The following NLN variants were observed in gnomAD, a reference collection of about 807,000 sequenced individuals.
The protein encoded by NLN is neurolysin, mitochondrial.
A neutral mutation model predicts 79.9 loss-of-function variants in NLN; 64 were observed. The ratio of observed to expected loss-of-function variants is 0.80; its 90% CI spans 0.65 to 0.99. NLN has a LOEUF of 0.99. Ranked by LOEUF, NLN falls within the 50% of genes least tolerant of loss-of-function variation. The pLI is 0.00. For synonymous variants in NLN, 267 were observed against 296.6 expected, an observed-to-expected ratio of 0.90 and a Z score of 1.02; for missense variants, 835 against 858.7, an observed-to-expected ratio of 0.97 and a Z score of 0.34.
Position 65,763,022 on chromosome 5 carries a change from A to G in NLN, c.364A>G (p.Ser122Gly). 2 of 1,614,018 alleles carry G rather than the reference A, an allele frequency of 1.2e-6. No individual in the cohort carries two copies. Among genetic ancestry groups the G allele is most frequent in the Non-Finnish European group, 8.5e-7 (1 of 1,179,914 alleles). The change falls in exon 3 of 13, where the codon AGT becomes GGT. Residue 122 changes from serine (S) to glycine (G), a missense_variant. By Grantham distance (56) the Ser-to-Gly change is moderately conservative. Transcript: ENST00000380985. The stretch of plus-strand genomic sequence containing the variant: ...CTCTGACAAAGAAGTACGAGCAGCA[A>G]GTACAGAAGCAGACAAAAGACTTTC... ...VSSDKEVRAA[S>G]TEADKRLSRF...
intron 12 of NLN, among the ~76,000 whole-genome samples, chr5:65,817,014 C>T (rs946236139): frequency 6.6e-6 from 1 of 152,124 alleles, no homozygotes; most frequent in African/African-American, 2.4e-5. Context: ...TCTGTAACCT[C>T]CTGCCATCCT....
At chr5:65,731,769 C>T (rs2441129) in intron 1 of NLN, among the ~76,000 whole-genome samples, 744 of 8,790 alleles carry the variant, frequency 0.085, 28 homozygotes, top group Middle Eastern at 0.31. Context: ...TTTTTTTTTT[C>T]AGACAGAGTC....
In NLN at chr5:65,788,441, A is replaced by G. The variant is rs1169204173; in HGVS notation, c.1282A>G (p.Thr428Ala). The G allele has an allele frequency of 6.2e-7, 1 of 1,613,710 alleles. No individual in the cohort carries two copies. Among genetic ancestry groups the G allele is most frequent in the Non-Finnish European group, 8.5e-7 (1 of 1,179,568 alleles). ...ACTTTATACTGTGAAGGATAAAGCT[A>G]CAGGAGAAGTATTGGGACAGTTCTA... is the stretch of plus-strand genomic sequence containing the variant. ...VTLYTVKDKATGEVLGQFYLD... is the reference protein window; with the variant it reads ...VTLYTVKDKAAGEVLGQFYLD... Residue 428 changes from threonine to alanine, a missense_variant, in exon 8 of 13, where the codon ACA becomes GCA. Physicochemically the swap from Thr to Ala is moderately conservative, Grantham distance 58. Transcript: ENST00000380985.
intron 12 of NLN, among the ~76,000 whole-genome samples, chr5:65,814,476 C>G (rs1760624094): frequency 6.6e-6 from 1 of 152,144 alleles, no homozygotes; most frequent in Non-Finnish European, 1.5e-5. Flanking sequence ...AAAATTCCAG[C>G]AGTCTTAATT....
At chr5:65,781,865 T>C (rs1010496933) in intron 6 of NLN, among the ~76,000 whole-genome samples, 2 of 152,206 alleles carry the variant, frequency 1.3e-5, no homozygotes, top group Non-Finnish European at 2.9e-5. Flanking sequence ...AGTTACTGCC[T>C]GAAGCTCAAA....
chr5:65,738,437 C>T (rs1758782687), intron 1 of NLN, among the ~76,000 whole-genome samples: 1 of 151,396 alleles, frequency 6.6e-6, no homozygotes, highest in African/African-American at 2.4e-5. Context: ...TGTAAAAAGC[C>T]AGATGTAGTG....
intron 1 of NLN, among the ~76,000 whole-genome samples, chr5:65,726,646 A>G (rs1339979102): frequency 1.3e-5 from 2 of 152,198 alleles, no homozygotes; most frequent in African/African-American, 4.8e-5. Flanking sequence ...TTGTTTATGC[A>G]TGGAAGAAAA....
chr5:65,799,917 T>TA (rs34116295), intron 9 of NLN, among the ~76,000 whole-genome samples: 25,981 of 150,196 alleles, frequency 0.17, 2,582 homozygotes, highest in African/African-American at 0.28. Flanking sequence ...GTGGTCACTT[T>TA]AAAAAAAAAA....
intron 9 of NLN, among the ~76,000 whole-genome samples, chr5:65,800,446 C>T (rs971996557): frequency 7.2e-5 from 11 of 152,132 alleles, no homozygotes; most frequent in African/African-American, 2.2e-4. Flanking sequence ...GAGGCAGAGG[C>T]GGGCAGATCA....
chr5:65,777,532 A>C lies in NLN; in HGVS notation c.556A>C (p.Asn186His), dbSNP rs1268189952. The C allele has an allele frequency of 6.4e-7, 1 of 1,552,252 alleles. No individual in the cohort carries two copies. The highest frequency in any genetic ancestry group is 8.8e-7 in the Non-Finnish European group (1 of 1,132,300). The change falls in exon 4 of 13, where the codon AAT becomes CAT. Residue 186 changes from asparagine (N) to histidine (H), a missense_variant and splice_region_variant. Asn to His is a moderately conservative substitution (Grantham distance 68). Coordinates refer to ENST00000380985, the MANE Select transcript of NLN (RefSeq NM_020726.5). ...GCTCCATCTTCCTGAACAAGTACAG[A>C]ATGTGAGTTTATGTTTTCTTTTCTT... ...NGLHLPEQVQ[N>H]EIKSMKKRMS...
rs111788482 is a variant in NLN at position 65,824,875 on chromosome 5, G to C, written c.*1960G>C. 16,854 of 152,264 alleles carry C rather than the reference G, an allele frequency of 0.11. 1,398 individuals carry two copies. Among genetic ancestry groups the C allele is most frequent in the African/African-American group, 0.24 (9,774 of 41,482 alleles). The allele number at this position is 152,264 out of a possible 1,614,324, so 9.4% of individuals were successfully genotyped here. A position where few individuals can be genotyped will look rare whatever the true frequency, so the allele number is the denominator to read the frequency against. ...AATCCCAGCACTTTGGGAGGCCAAG[G>C]CAGGAGGATCACCTGAGGTCAGAGT... On this transcript the variant is annotated 3_prime_UTR_variant, in exon 13 of 13. Transcript: ENST00000380985.
chr5:65,794,546 G>A (rs1297051588), intron 9 of NLN, among the ~76,000 whole-genome samples: 6 of 151,988 alleles, frequency 3.9e-5, no homozygotes, highest in South Asian at 2.1e-4. Context: ...TCGAGGCTGC[G>A]GTGAGCTGTG....
chr5:65,750,757 A>G (rs975108395), intron 1 of NLN, among the ~76,000 whole-genome samples: 1 of 152,188 alleles, frequency 6.6e-6, no homozygotes, highest in Non-Finnish European at 1.5e-5. Context: ...AAAATAAAGA[A>G]AAAAAGAGAA....
intron 1 of NLN, among the ~76,000 whole-genome samples, chr5:65,738,885 T>A (rs937770583): frequency 6.8e-6 from 1 of 146,932 alleles, no homozygotes; most frequent in Non-Finnish European, 1.5e-5. Context: ...GCCTCCTGAG[T>A]AGCTGGGATC....
At chr5:65,820,751 C>G (rs1368568120) in intron 12 of NLN, among the ~76,000 whole-genome samples, 1 of 151,416 alleles carries the variant, frequency 6.6e-6, no homozygotes, top group African/African-American at 2.4e-5. Flanking sequence ...TTCCCGAAAG[C>G]TAATTGAAGG....
chr5:65,781,437 G>T lies in NLN; in HGVS notation c.822+16G>T. ...GTGCAAAGAGGTATTATAAATGTTTGTCTTTCTTTTGTTTTTAATGGAATA... is the reference window on the plus strand; with the variant it reads ...GTGCAAAGAGGTATTATAAATGTTTTTCTTTCTTTTGTTTTTAATGGAATA... On this transcript the variant is annotated intron_variant, in intron 6 of 12. Coordinates refer to ENST00000380985, the MANE Select transcript of NLN (RefSeq NM_020726.5). 1 of 1,570,516 alleles carries T rather than the reference G, an allele frequency of 6.4e-7. No homozygotes were observed. Among genetic ancestry groups the T allele is most frequent in the Non-Finnish European group, 8.7e-7 (1 of 1,148,686 alleles).
chr5:65,769,456 T>A (rs1329410568), intron 3 of NLN, among the ~76,000 whole-genome samples: 6 of 152,248 alleles, frequency 3.9e-5, no homozygotes, highest in Non-Finnish European at 8.8e-5. Flanking sequence ...TACCCCATTC[T>A]CTGTAATGTG....
chr5:65,792,114 A>G (rs991823169), intron 8 of NLN, among the ~76,000 whole-genome samples: 7 of 152,194 alleles, frequency 4.6e-5, no homozygotes, highest in Admixed American at 3.3e-4. Context: ...GGGTTTCAGC[A>G]TTGTTTAGTG....
chr5:65,740,760 A>G (rs1167303336), intron 1 of NLN: 3 of 150,938 alleles, frequency 2.0e-5, no homozygotes, highest in Non-Finnish European at 4.4e-5. Context: ...CTGTTCCATC[A>G]GCTATGTGTC....
Sources: gnomAD v4.1 joint callset for allele counts (sites outside exome capture counted in the v4.1 genomes callset) on GRCh38, gnomAD v4.1.1 for gene constraint, MANE v1.5 for transcripts, NCBI Gene and HGNC (gene_info 2026-07-23, HGNC 2026-07-21) for gene names.